ENTREP1: variants seen among roughly 807,000 people sequenced by gnomAD.
ENTREP1 encodes the protein Friedreich ataxia region gene X123.
At chr9:69,337,372 T>C in the ENTREP1 span, among the ~76,000 whole-genome samples, 3 of 152,242 alleles carry the variant, frequency 2.0e-5, no homozygotes, top group Non-Finnish European at 4.4e-5. Context: ...TTTATTGTTA[T>C]AATGTTTGAG....
chr9:69,370,056 AGTGAAGAGATTTTG>A, the ENTREP1 span, among the ~76,000 whole-genome samples: 1,171 of 152,254 alleles, frequency 7.7e-3, 17 homozygotes, highest in African/African-American at 0.027. Context: ...TTAAGATTTT[AGTGAAGAGATTTTG>A]GGTTCAGTGT....
At chr9:69,383,060 T>C in the ENTREP1 span, 3 of 984,896 alleles carry the variant, frequency 3.0e-6, no homozygotes, top group Non-Finnish European at 3.6e-6. Context: ...TGCTATTATT[T>C]TGAATTTTGC....
At chr9:69,359,882 A>C in the ENTREP1 span, among the ~76,000 whole-genome samples, 1 of 152,148 alleles carries the variant, frequency 6.6e-6, no homozygotes, top group African/African-American at 2.4e-5. Flanking sequence ...GTGAATTGAC[A>C]AGTACATTTG....
chr9:69,326,040 A>C, the ENTREP1 span, among the ~76,000 whole-genome samples: 1 of 152,184 alleles, frequency 6.6e-6, no homozygotes, highest in Admixed American at 6.5e-5. Context: ...TGGGAGGAAA[A>C]TGATTAAACT....
the ENTREP1 span, chr9:69,375,950 A>T: frequency 1.4e-6 from 2 of 1,420,172 alleles, no homozygotes; most frequent in Non-Finnish European, 1.9e-6. Flanking sequence ...TTCCTGTTCT[A>T]TTACCTCCCT....
the ENTREP1 span, chr9:69,383,089 C>T: frequency 3.3e-5 from 33 of 985,104 alleles, no homozygotes; most frequent in Non-Finnish European, 3.9e-5. Context: ...GTTCTTTACC[C>T]ACAGGACAAA....
chr9:69,387,878 G>A, the ENTREP1 span: 1 of 1,350,840 alleles, frequency 7.4e-7, no homozygotes, highest in Non-Finnish European at 9.8e-7. Context: ...ATTATGGTTT[G>A]CATTCTGGAT....
the ENTREP1 span, among the ~76,000 whole-genome samples, chr9:69,390,161 G>A: frequency 3.9e-5 from 6 of 152,142 alleles, no homozygotes; most frequent in East Asian, 3.8e-4. Flanking sequence ...ATTCTTAATC[G>A]GGAGACAAGG....
the ENTREP1 span, among the ~76,000 whole-genome samples, chr9:69,362,976 A>G: frequency 1.3e-4 from 19 of 151,682 alleles, no homozygotes; most frequent in Admixed American, 2.6e-4. Flanking sequence ...TACTTAATAA[A>G]CCCCCTTTAT....
chr9:69,327,406 A>G, the ENTREP1 span, among the ~76,000 whole-genome samples: 1 of 152,144 alleles, frequency 6.6e-6, no homozygotes, highest in Non-Finnish European at 1.5e-5. Context: ...TCTAAATACC[A>G]CGGGCCAGTA....
the ENTREP1 span, among the ~76,000 whole-genome samples, chr9:69,360,307 TC>T: frequency 1.1e-4 from 17 of 152,330 alleles, no homozygotes; most frequent in Non-Finnish European, 2.4e-4. Flanking sequence ...AGGCAATCAG[TC>T]ACTTAGGCAT....
chr9:69,353,450 A>G, the ENTREP1 span, among the ~76,000 whole-genome samples: 2 of 152,322 alleles, frequency 1.3e-5, no homozygotes, highest in South Asian at 4.1e-4. Context: ...CAACTATTCA[A>G]AGTTGCAGAT....
At chr9:69,377,248 T>C in the ENTREP1 span, 1 of 707,222 alleles carries the variant, frequency 1.4e-6, no homozygotes, top group Non-Finnish European at 2.5e-6. Flanking sequence ...GTCCTTTACA[T>C]GCATCCTCTC....
At chr9:69,387,973 T>C in the ENTREP1 span, 1 of 1,537,238 alleles carries the variant, frequency 6.5e-7, no homozygotes, top group Non-Finnish European at 8.8e-7. Flanking sequence ...CTATTGGAAC[T>C]GGACTTCAGG....
the ENTREP1 span, among the ~76,000 whole-genome samples, chr9:69,334,608 C>A: frequency 6.6e-6 from 1 of 152,182 alleles, no homozygotes; most frequent in Non-Finnish European, 1.5e-5. Flanking sequence ...GGCAGACACA[C>A]TTTATTTTAC....
chr9:69,373,910 A>G, the ENTREP1 span, among the ~76,000 whole-genome samples: 1 of 152,160 alleles, frequency 6.6e-6, no homozygotes, highest in South Asian at 2.1e-4. Context: ...GTATACACTC[A>G]TGTTATACTC....
chr9:69,367,824 AATAT>A, the ENTREP1 span, among the ~76,000 whole-genome samples: 12,202 of 118,012 alleles, frequency 0.1, 2,565 homozygotes, highest in South Asian at 0.14. Flanking sequence ...CATATATATA[AATAT>A]ATATATACAC....
the ENTREP1 span, among the ~76,000 whole-genome samples, chr9:69,358,862 A>G: frequency 6.6e-6 from 1 of 151,752 alleles, no homozygotes; most frequent in East Asian, 1.9e-4. Flanking sequence ...AATTTTTTAA[A>G]GCATTAATAA....
chr9:69,352,815 A>G, the ENTREP1 span, among the ~76,000 whole-genome samples: 1 of 152,134 alleles, frequency 6.6e-6, no homozygotes, highest in African/African-American at 2.4e-5. Flanking sequence ...TGAGAGAAAC[A>G]AGCCTATGAC....
Sources: allele counts gnomAD v4.1 joint callset (sites outside exome capture counted in the v4.1 genomes callset), GRCh38; gene constraint gnomAD v4.1.1; transcripts MANE v1.5; gene names NCBI Gene and HGNC (gene_info 2026-07-23, HGNC 2026-07-21).